Variants in ATP5F1C observed in about 807,000 individuals in gnomAD.
The protein encoded by ATP5F1C is ATP synthase F(1) complex subunit gamma, mitochondrial.
A neutral mutation model predicts 37.4 loss-of-function variants in ATP5F1C; 22 were observed. That is an observed-to-expected ratio of 0.59 (90% confidence interval 0.42 to 0.84). ATP5F1C has a LOEUF of 0.84. ATP5F1C is among the 40% of genes least tolerant of loss of function. The pLI is 0.00. For missense variants in ATP5F1C, 286 were observed against 362.4 expected (o/e 0.79, Z 1.71); for synonymous variants, 121 against 128.0 (o/e 0.95, Z 0.37).
At chr10:7,799,375 A>G in intron 4 of ATP5F1C, 181 bp downstream of exon 4, 1 of 608,438 alleles carries the variant, frequency 1.6e-6, no homozygotes, top group Non-Finnish European at 2.8e-6. Flanking sequence ...ATATATTGGA[A>G]CATTTCTGTT....
At chr10:7,793,252 C>T (rs1400126252) in intron 1 of ATP5F1C, among the ~76,000 whole-genome samples, 1 of 152,220 alleles carries the variant, frequency 6.6e-6, no homozygotes, top group Non-Finnish European at 1.5e-5. Flanking sequence ...GCTGGGATTA[C>T]AGGTGCCCAC....
At chr10:7,795,657 G>C (rs537156843) in intron 1 of ATP5F1C, among the ~76,000 whole-genome samples, 6 of 152,274 alleles carry the variant, frequency 3.9e-5, no homozygotes, top group African/African-American at 1.4e-4. Context: ...TTAAGAATCA[G>C]TTTATATAAA....
In ATP5F1C at chr10:7,799,084, T is replaced by A; in HGVS notation, c.318T>A (p.Ile106=). ...VSSDRGLCGA[I]HSSIAKQMKS... is the part of the protein sequence containing the mutation. ...CAGATCGAGGACTGTGTGGTGCTAT[T>A]CATTCCTCCATTGCTAAACAGATGA... is the stretch of plus-strand genomic sequence containing the variant. The change falls in exon 4 of 10, where the codon ATT becomes ATA. Residue 106 remains isoleucine (I), a synonymous_variant. Coordinates refer to ENST00000356708, the MANE Select transcript of ATP5F1C (RefSeq NM_001001973.3). The A allele has an allele frequency of 6.2e-7, 1 of 1,613,672 alleles. No homozygotes were observed. Among genetic ancestry groups the A allele is most frequent in the Non-Finnish European group, 8.5e-7 (1 of 1,179,898 alleles).
chr10:7,792,498 C>T (rs1371062548), intron 1 of ATP5F1C, among the ~76,000 whole-genome samples: 3 of 152,172 alleles, frequency 2.0e-5, no homozygotes, highest in Admixed American at 6.5e-5. Flanking sequence ...AGCTTCACTG[C>T]CCTAAAAATC....
chr10:7,794,010 T>C (rs1184861475), intron 1 of ATP5F1C, among the ~76,000 whole-genome samples: 1 of 152,212 alleles, frequency 6.6e-6, no homozygotes, highest in Non-Finnish European at 1.5e-5. Flanking sequence ...TATATAACCT[T>C]GAAAATCAGT....
intron 1 of ATP5F1C, among the ~76,000 whole-genome samples, chr10:7,789,044 G>A (rs1836109533): frequency 6.6e-6 from 1 of 152,000 alleles, no homozygotes; most frequent in African/African-American, 2.4e-5. Flanking sequence ...CACGAGCCTC[G>A]AGAATTTTAA....
chr10:7,799,627 T>G (rs950595733), intron 4 of ATP5F1C, 145 bp from the exon 5 acceptor site: 6 of 823,614 alleles, frequency 7.3e-6, no homozygotes, highest in Middle Eastern at 3.1e-4. Flanking sequence ...ATGATGATAG[T>G]GTGTGGAACA....
intron 1 of ATP5F1C, among the ~76,000 whole-genome samples, chr10:7,789,926 G>T (rs945134378): frequency 6.6e-6 from 1 of 152,172 alleles, no homozygotes. Flanking sequence ...GCTTAAATCG[G>T]AACCACAATC....
chr10:7,801,996 T>C (rs774879382), intron 6 of ATP5F1C, among the ~76,000 whole-genome samples: 4 of 152,220 alleles, frequency 2.6e-5, no homozygotes, highest in Non-Finnish European at 5.9e-5. Context: ...CCACGAGATA[T>C]AGTGCAGTTA....
rs753888449 is a variant in ATP5F1C, at chr10:7,797,191, T to G, written c.223+13T>G. On this transcript the variant is annotated intron_variant, in intron 3 of 9. Transcript: ENST00000356708. ...TTGGGATCTTTAGGTAAGGGAAGAG[T>G]GTAATTCACAAATTAGGAAGAACTG... 1 of 1,609,732 alleles carries G rather than the reference T, an allele frequency of 6.2e-7. No homozygotes were observed. Among genetic ancestry groups the G allele is most frequent in the Non-Finnish European group, 8.5e-7 (1 of 1,177,174 alleles).
chr10:7,805,470 G>A (rs542368049), intron 8 of ATP5F1C, among the ~76,000 whole-genome samples: 8 of 152,040 alleles, frequency 5.3e-5, no homozygotes, highest in Admixed American at 2.6e-4. Context: ...AAACCTGGCC[G>A]GGCGCAGGGG....
Position 7,790,481 on chromosome 10 carries a change from A to T in ATP5F1C, c.56+2218A>T, listed in dbSNP as rs774871039. Among the ~76,000 whole-genome samples the T allele has an allele frequency of 4.3e-4, 65 of 152,342 alleles. 2 individuals carry two copies. The highest frequency in any genetic ancestry group is 3.4e-3 in the Middle Eastern group (1 of 294). On this transcript the variant is annotated intron_variant, in intron 1 of 9. Transcript: ENST00000356708. ...TACTGTCTTCAAATTTGGGAAAAAC[A>T]TTTCTATTTCTTAGAGTTCAGTAGT...
At position 7,799,238 on chromosome 10, in the gene ATP5F1C, C is replaced by T. The variant is rs192307649; in HGVS notation, c.428+44C>T. ...GTTTATTTTCATAAAGATGTAAGCA[C>T]GAATAAATCTTCTCTCAAAAGTTTT... On this transcript the variant is annotated intron_variant, in intron 4 of 9. Coordinates refer to ENST00000356708, the MANE Select transcript of ATP5F1C (RefSeq NM_001001973.3). 1,330 of 1,547,670 alleles carry T rather than the reference C, an allele frequency of 8.6e-4. 13 individuals are homozygous for T. The African/African-American group carries it at 0.016, about 19-fold the overall frequency.
Position 7,788,203 on chromosome 10 carries a change from C to T in ATP5F1C, c.-5C>T. On this transcript the variant is annotated 5_prime_UTR_variant, in exon 1 of 10. Coordinates refer to ENST00000356708, the MANE Select transcript of ATP5F1C (RefSeq NM_001001973.3). Reference sequence around the variant, plus strand: ...TGACCGACCTTCAGCAGGGCTGTGGCTACCATGTTCTCTCGCGCGGGTGTC... The same window carrying T: ...TGACCGACCTTCAGCAGGGCTGTGGTTACCATGTTCTCTCGCGCGGGTGTC... 1 of 1,613,304 alleles carries T rather than the reference C, an allele frequency of 6.2e-7. No individual in the cohort carries two copies. Among genetic ancestry groups the T allele is most frequent in the Non-Finnish European group, 8.5e-7 (1 of 1,179,926 alleles).
intron 2 of ATP5F1C, chr10:7,796,587 C>CTTTT (rs144682242): frequency 2.1e-5 from 3 of 144,750 alleles, no homozygotes; most frequent in Admixed American, 6.9e-5. Context: ...AGTACTATTT[C>CTTTT]TATTTTTTTT....
chr10:7,803,377 C>T (rs969011253), intron 8 of ATP5F1C, among the ~76,000 whole-genome samples: 1 of 152,144 alleles, frequency 6.6e-6, no homozygotes, highest in Non-Finnish European at 1.5e-5. Flanking sequence ...TCTGAAGATC[C>T]TCAAGTCCCT....
chr10:7,799,288 A>G (rs1836305172), intron 4 of ATP5F1C, 94 bp downstream of exon 4: 4 of 1,178,040 alleles, frequency 3.4e-6, no homozygotes, highest in Non-Finnish European at 4.9e-6. Context: ...ACCTTCATCA[A>G]TAACAAGGTA....
At chr10:7,803,748 A>C (rs995718690) in intron 8 of ATP5F1C, among the ~76,000 whole-genome samples, 3 of 152,210 alleles carry the variant, frequency 2.0e-5, no homozygotes, top group Non-Finnish European at 4.4e-5. Flanking sequence ...TCTCTCTTTT[A>C]AGGCACTTAT....
chr10:7,807,034 T>C, intron 9 of ATP5F1C, 24 bp downstream of exon 9: 4 of 1,597,010 alleles, frequency 2.5e-6, no homozygotes, highest in Non-Finnish European at 2.6e-6. Context: ...ATTCTTCCCA[T>C]GTCTGTTCAG....
Sources: allele counts gnomAD v4.1 joint callset (sites outside exome capture counted in the v4.1 genomes callset), GRCh38; gene constraint gnomAD v4.1.1; transcripts MANE v1.5; gene names NCBI Gene and HGNC (gene_info 2026-07-23, HGNC 2026-07-21).